MRPL1: variants seen among roughly 807,000 people sequenced by gnomAD.
MRPL1 encodes large ribosomal subunit protein uL1m.
A neutral mutation model predicts 38.0 loss-of-function variants in MRPL1; 28 were observed. The observed-to-expected ratio is 0.74, with a 90% confidence interval of 0.55 to 1.01. The LOEUF is 1.01. Ranked by LOEUF, MRPL1 falls within the 50% of genes least tolerant of loss-of-function variation. MRPL1 has a pLI of 0.00. For missense variants in MRPL1, 358 were observed against 389.8 expected, an observed-to-expected ratio of 0.92 and a Z score of 0.69; for synonymous variants, 123 against 126.7, an observed-to-expected ratio of 0.97 and a Z score of 0.20.
At chr4:77,903,409 C>T (rs1396767594) in intron 6 of MRPL1, among the ~76,000 whole-genome samples, 2 of 152,116 alleles carry the variant, frequency 1.3e-5, no homozygotes, top group Non-Finnish European at 2.9e-5. Flanking sequence ...ATGCTTTCTA[C>T]CTAAGATCAG....
intron 5 of MRPL1, among the ~76,000 whole-genome samples, chr4:77,891,038 G>A (rs1334650004): frequency 6.6e-6 from 1 of 152,026 alleles, no homozygotes; most frequent in Non-Finnish European, 1.5e-5. Context: ...AAATAAAGAG[G>A]GTCTTCAGAA....
intron 7 of MRPL1, among the ~76,000 whole-genome samples, chr4:77,924,269 G>A (rs976913084): frequency 6.6e-6 from 1 of 152,120 alleles, no homozygotes; most frequent in Non-Finnish European, 1.5e-5. Context: ...TTTGATGTCA[G>A]GATTATGAAC....
In MRPL1 at chr4:77,952,516, G is replaced by A. The variant is rs762117846; in HGVS notation, c.887G>A (p.Arg296His). Reference protein sequence around the residue: ...LGPFVVRAFLRSSTSEGLLLK... With the variant: ...LGPFVVRAFLHSSTSEGLLLK... ...CCCTTTGTGGTACGTGCTTTCCTTCGTAGTTCAACAAGTGAAGGTTTATTA... is the reference window on the plus strand; with the variant it reads ...CCCTTTGTGGTACGTGCTTTCCTTCATAGTTCAACAAGTGAAGGTTTATTA... The change falls in exon 9 of 9, where the codon CGT (arginine) becomes CAT (histidine). Residue 296 changes from arginine to histidine, a missense_variant. Physicochemically the swap from Arg to His is conservative, Grantham distance 29. Transcript: ENST00000315567. The A allele has an allele frequency of 4.3e-6, 7 of 1,612,584 alleles. No individual in the cohort carries two copies. The highest frequency in any genetic ancestry group is 3.3e-5 in the Admixed American group (2 of 59,728).
rs1264319055 is a variant in MRPL1, at chr4:77,934,319, CTACAG to C, written c.778-15473_778-15469del. ...CATATATATGATATGAGACTTGAAT[CTACAG>C]TACATAAATAACTTTTACAATTCAA... On this transcript the variant is annotated intron_variant, in intron 7 of 8. Transcript: ENST00000315567. Among the ~76,000 whole-genome samples the C allele has an allele frequency of 3.9e-5, 6 of 152,236 alleles. No homozygotes were observed. In the East Asian group the frequency reaches 1.2e-3, roughly 29 times the overall value.
At chr4:77,904,893 G>T (rs958766159) in intron 6 of MRPL1, among the ~76,000 whole-genome samples, 5 of 152,138 alleles carry the variant, frequency 3.3e-5, no homozygotes, top group African/African-American at 1.2e-4. Context: ...TGAAATTCTA[G>T]AAGAAAATTT....
chr4:77,933,502 A>G lies in MRPL1; in HGVS notation c.778-16295A>G, dbSNP rs115226194. ...CTTGGAAAAGTGATCTCATAAAACT[A>G]TAAACTCCTGGAGATGAAATAAATG... On this transcript the variant is annotated intron_variant, in intron 7 of 8. Transcript: ENST00000315567. Among the ~76,000 whole-genome samples, 1,137 of 152,294 alleles carry G rather than the reference A, an allele frequency of 7.5e-3. 13 individuals are homozygous for G. Among genetic ancestry groups the G allele is most frequent in the African/African-American group, 0.025 (1,049 of 41,546 alleles).
intron 2 of MRPL1, among the ~76,000 whole-genome samples, chr4:77,873,901 G>A (rs564821663): frequency 1.3e-5 from 2 of 152,002 alleles, no homozygotes; most frequent in South Asian, 4.2e-4. Context: ...CCATCCTTTA[G>A]CCCTTTGTAA....
chr4:77,951,089 C>T (rs1737398269), intron 8 of MRPL1, among the ~76,000 whole-genome samples: 1 of 152,164 alleles, frequency 6.6e-6, no homozygotes, highest in Admixed American at 6.5e-5. Flanking sequence ...AGGCTGGTCT[C>T]GAACTCCTGA....
At chr4:77,883,198 CTT>C (rs1261159845) in intron 2 of MRPL1, 42 bp from the exon 3 acceptor site, 17 of 1,207,216 alleles carry the variant, frequency 1.4e-5, no homozygotes, top group South Asian at 1.9e-5. Context: ...AAAAAAATCT[CTT>C]AGGATATATA....
intron 2 of MRPL1, among the ~76,000 whole-genome samples, chr4:77,872,598 C>T (rs778029832): frequency 6.6e-6 from 1 of 152,156 alleles, no homozygotes. Flanking sequence ...GGCACCGTGG[C>T]TCACACCTGT....
In MRPL1 at chr4:77,952,658, AATG is replaced by A. The variant is rs1458394374; in HGVS notation, c.*54_*56del. 8.6e-6 allele frequency: 10 copies of A among 1,157,020 alleles called. No individual in the cohort carries two copies. In the South Asian group the frequency reaches 1.0e-4, roughly 12 times the overall value. 71.7% of individuals were successfully genotyped at this position (1,157,020 alleles called of 1,614,324 possible). A position where few individuals can be genotyped will look rare whatever the true frequency, so the allele number is the denominator to read the frequency against. On this transcript the variant is annotated 3_prime_UTR_variant, in exon 9 of 9. Coordinates refer to ENST00000315567, the MANE Select transcript of MRPL1 (RefSeq NM_020236.4). ...CAGTGGTTTAAGAAGCAATGGAGAA[AATG>A]ATAATACAGCATAATTTTTACATTT...
chr4:77,898,854 GTATC>G (rs890258690), intron 6 of MRPL1, among the ~76,000 whole-genome samples: 1 of 151,808 alleles, frequency 6.6e-6, no homozygotes, highest in Non-Finnish European at 1.5e-5. Context: ...TAGTAGTTGA[GTATC>G]TACTATGTGC....
At chr4:77,946,203 A>G (rs1042428517) in intron 7 of MRPL1, among the ~76,000 whole-genome samples, 1 of 152,112 alleles carries the variant, frequency 6.6e-6, no homozygotes, top group African/African-American at 2.4e-5. Context: ...ATTGAGCGAT[A>G]TTGTTCCTAC....
intron 7 of MRPL1, among the ~76,000 whole-genome samples, chr4:77,926,107 G>C (rs185350841): frequency 6.6e-6 from 1 of 152,154 alleles, no homozygotes; most frequent in African/African-American, 2.4e-5. Flanking sequence ...GATACCTCTG[G>C]AACTGCATGT....
intron 7 of MRPL1, among the ~76,000 whole-genome samples, chr4:77,933,843 C>T (rs192495604): frequency 6.6e-6 from 1 of 152,204 alleles, no homozygotes; most frequent in East Asian, 1.9e-4. Context: ...ACCGTATGTC[C>T]CAGCAGTTCT....
intron 7 of MRPL1, among the ~76,000 whole-genome samples, chr4:77,931,784 G>A (rs1295655257): frequency 1.3e-5 from 2 of 152,194 alleles, no homozygotes; most frequent in African/African-American, 4.8e-5. Context: ...ATGTGAGTCT[G>A]CGCACTGTGT....
At chr4:77,889,807 G>T (rs7675586) in intron 5 of MRPL1, among the ~76,000 whole-genome samples, 2 of 151,912 alleles carry the variant, frequency 1.3e-5, no homozygotes, top group Non-Finnish European at 2.9e-5. Flanking sequence ...TATCACCACC[G>T]ATCCCACAGA....
chr4:77,883,136 TATA>T (rs1478104152), intron 2 of MRPL1, 103 bp from the exon 3 acceptor site: 1 of 727,616 alleles, frequency 1.4e-6, no homozygotes, highest in African/African-American at 1.8e-5. Flanking sequence ...TGAATTAAAA[TATA>T]ATTCATCCTT....
chr4:77,943,484 T>C lies in MRPL1; in HGVS notation c.778-6313T>C, dbSNP rs182842312. ...TATGTTTTTCAAACTTTTAGATTTC[T>C]TTTCTTCCTCAGGAACACCAATTAT... On this transcript the variant is annotated intron_variant, in intron 7 of 8. Coordinates refer to ENST00000315567, the MANE Select transcript of MRPL1 (RefSeq NM_020236.4). 5.0e-3 allele frequency among the ~76,000 whole-genome samples: 767 copies of C among 152,158 alleles called. 2 individuals are homozygous for C. Among genetic ancestry groups the C allele is most frequent in the Non-Finnish European group, 6.5e-3 (443 of 67,994 alleles).
Sources: gnomAD v4.1 joint callset for allele counts (sites outside exome capture counted in the v4.1 genomes callset) on GRCh38, gnomAD v4.1.1 for gene constraint, MANE v1.5 for transcripts, NCBI Gene and HGNC (gene_info 2026-07-23, HGNC 2026-07-21) for gene names.